The following LDAH variants were observed in gnomAD, a reference collection of about 807,000 sequenced individuals.
LDAH encodes the protein lipid droplet-associated hydrolase.
Under a neutral mutation model 29.6 loss-of-function variants are expected in LDAH, and 26 were observed. That is an observed-to-expected ratio of 0.88 (90% CI 0.64 to 1.22). The LOEUF is 1.22. Ranked by LOEUF, LDAH falls within the 50% of genes most tolerant of loss-of-function variation. The probability of loss-of-function intolerance (pLI) is 0.00; values close to 1 mark genes in which losing one functional copy is unlikely to be tolerated. For synonymous variants in LDAH, 117 were observed against 133.0 expected, an observed-to-expected ratio of 0.88 and a Z score of 0.83; for missense variants, 344 against 387.3, an observed-to-expected ratio of 0.89 and a Z score of 0.94.
intron 4 of LDAH, among the ~76,000 whole-genome samples, chr2:20,760,529 G>A (rs1232182211): frequency 9.9e-5 from 15 of 152,234 alleles, no homozygotes; most frequent in Non-Finnish European, 1.5e-5. Context: ...AGTCTCATCT[G>A]AGGCTTGACT....
chr2:20,763,503 G>T (rs1327565499), intron 4 of LDAH, among the ~76,000 whole-genome samples: 1 of 152,222 alleles, frequency 6.6e-6, no homozygotes, highest in Non-Finnish European at 1.5e-5. Context: ...AGGTGCTGTT[G>T]ATACTACTTT....
intron 2 of LDAH, among the ~76,000 whole-genome samples, chr2:20,793,868 T>C (rs1671130682): frequency 6.6e-6 from 1 of 152,106 alleles, no homozygotes; most frequent in Non-Finnish European, 1.5e-5. Context: ...AGAATTTAAG[T>C]TAAAAATCTT....
At chr2:20,713,103 T>G (rs1664894114) in intron 5 of LDAH, among the ~76,000 whole-genome samples, 1 of 152,038 alleles carries the variant, frequency 6.6e-6, no homozygotes. Flanking sequence ...TCACCAAGGT[T>G]GAAATGAAGG....
chr2:20,736,177 C>T (rs1036029258), intron 5 of LDAH, among the ~76,000 whole-genome samples: 1 of 152,164 alleles, frequency 6.6e-6, no homozygotes, highest in Non-Finnish European at 1.5e-5. Context: ...TGCGGTGGCT[C>T]ACGCCTGTAA....
intron 6 of LDAH, among the ~76,000 whole-genome samples, chr2:20,689,276 A>G (rs1275287863): frequency 3.3e-5 from 5 of 152,176 alleles, no homozygotes; most frequent in African/African-American, 9.7e-5. Context: ...TTACAGATTT[A>G]TCACTTAATT....
chr2:20,791,544 C>T (rs1218951634), intron 2 of LDAH, among the ~76,000 whole-genome samples: 1 of 152,162 alleles, frequency 6.6e-6, no homozygotes, highest in African/African-American at 2.4e-5. Context: ...ACCCAAGTTC[C>T]AAATTCCTTT....
chr2:20,718,247 A>G (rs768200099), intron 5 of LDAH, among the ~76,000 whole-genome samples: 12 of 152,174 alleles, frequency 7.9e-5, no homozygotes, highest in East Asian at 1.9e-4. Context: ...ACAAGACCCA[A>G]ATATATGCTG....
Position 20,774,976 on chromosome 2 carries a change from G to C in LDAH, c.302C>G (p.Ser101Ter). 6.3e-7 allele frequency: 1 copy of C among 1,581,678 alleles called. No individual in the cohort carries two copies. Among genetic ancestry groups the C allele is most frequent in the Non-Finnish European group, 8.6e-7 (1 of 1,159,454 alleles). ...DKKILTTSEDSNAQEIKDIYG... is the reference protein window; with the variant it reads ...DKKILTTSED The stretch of plus-strand genomic sequence containing the variant: ...AATGTCCTTAATTTCTTGAGCGTTT[G>C]AATCTAAAAGCAAAAATATGAGCAC... Residue 101 changes from serine to a stop codon, truncating the protein, a stop_gained, in exon 4 of 7, where the codon TCA becomes TGA. Coordinates refer to ENST00000237822, the MANE Select transcript of LDAH (RefSeq NM_021925.4). LOFTEE classifies it high-confidence loss of function.
chr2:20,725,395 A>T (rs568855053), intron 5 of LDAH, among the ~76,000 whole-genome samples: 1 of 152,324 alleles, frequency 6.6e-6, no homozygotes, highest in African/African-American at 2.4e-5. Flanking sequence ...CACAATTAAG[A>T]AATAAACGGT....
chr2:20,739,403 T>C (rs1271340361), intron 5 of LDAH, among the ~76,000 whole-genome samples: 2 of 152,222 alleles, frequency 1.3e-5, no homozygotes, highest in Admixed American at 6.5e-5. Context: ...TCTAAAAAGA[T>C]AGACTACATT....
chr2:20,796,056 A>T (rs547498118), intron 2 of LDAH, among the ~76,000 whole-genome samples: 26 of 152,200 alleles, frequency 1.7e-4, no homozygotes, highest in African/African-American at 6.0e-4. Flanking sequence ...ATGAAATATG[A>T]TCTGAAAATG....
chr2:20,789,132 T>A (rs17390286), intron 3 of LDAH: 48,942 of 1,550,392 alleles, frequency 0.032, 876 homozygotes, highest in Admixed American at 0.06. Flanking sequence ...CCAAATTTTA[T>A]TCAATTGTGA....
intron 4 of LDAH, among the ~76,000 whole-genome samples, chr2:20,765,265 A>G (rs1477374377): frequency 6.6e-6 from 1 of 152,162 alleles, no homozygotes; most frequent in Non-Finnish European, 1.5e-5. Context: ...CCCTACTTAC[A>G]GGAAAAAAAG....
chr2:20,721,998 G>A (rs1665680558), intron 5 of LDAH, among the ~76,000 whole-genome samples: 1 of 152,148 alleles, frequency 6.6e-6, no homozygotes, highest in African/African-American at 2.4e-5. Context: ...AAAAATGGAT[G>A]GGATTGGAGG....
chr2:20,713,936 A>G (rs985821368), intron 5 of LDAH, among the ~76,000 whole-genome samples: 1 of 152,178 alleles, frequency 6.6e-6, no homozygotes, highest in African/African-American at 2.4e-5. Context: ...ATAATGGGAG[A>G]CTTTAACACC....
intron 4 of LDAH, among the ~76,000 whole-genome samples, chr2:20,762,686 T>A (rs1292706515): frequency 6.6e-6 from 1 of 152,224 alleles, no homozygotes; most frequent in Non-Finnish European, 1.5e-5. Flanking sequence ...ATATATTAGT[T>A]CTTCAGTGAA....
chr2:20,690,047 G>A (rs753547487), intron 6 of LDAH, among the ~76,000 whole-genome samples: 7 of 152,200 alleles, frequency 4.6e-5, no homozygotes, highest in Admixed American at 6.5e-5. Context: ...CATGAAGAAC[G>A]TACCATTTAC....
chr2:20,788,838 G>T, intron 3 of LDAH: 1 of 289,400 alleles, frequency 3.5e-6, no homozygotes, highest in Non-Finnish European at 6.5e-6. Context: ...TTATGTTTAT[G>T]TTTTATAAAC....
In LDAH at chr2:20,685,832, T is replaced by A; in HGVS notation, c.*1071A>T. 1 of 670,758 alleles carries A rather than the reference T, an allele frequency of 1.5e-6. No individual in the cohort carries two copies. 41.6% of individuals were successfully genotyped at this position (670,758 alleles called of 1,614,324 possible). A position where few individuals can be genotyped will look rare whatever the true frequency, so the allele number is the denominator to read the frequency against. On this transcript the variant is annotated 3_prime_UTR_variant, in exon 7 of 7. Transcript: ENST00000237822. ...CTAGAGAAGGTGAATTCACATAACT[T>A]AATGGCTGGGTTTGGTTCATTAACA...
Sources: allele counts gnomAD v4.1 joint callset (sites outside exome capture counted in the v4.1 genomes callset), GRCh38; gene constraint gnomAD v4.1.1; transcripts MANE v1.5; gene names NCBI Gene and HGNC (gene_info 2026-07-23, HGNC 2026-07-21).